The following RGS6 variants were observed in gnomAD, a reference collection of about 807,000 sequenced individuals.
RGS6 encodes the protein regulator of G protein signaling 6.
In RGS6, 30 loss-of-function variants were observed where a neutral mutation model predicts 78.5. That is an observed-to-expected ratio of 0.38 (90% CI 0.29 to 0.52). The LOEUF (loss-of-function observed/expected upper bound fraction) is 0.52, where lower values mean the gene tolerates loss of function less well. Ranked by LOEUF, RGS6 falls within the 20% of genes least tolerant of loss-of-function variation. The pLI is 0.85. For synonymous variants in RGS6, 206 were observed against 206.0 expected (o/e 1.00, Z 0.00); for missense variants, 495 against 609.7 (o/e 0.81, Z 1.98).
At chr14:72,122,607 T>G (rs1301939641) in intron 2 of RGS6, among the ~76,000 whole-genome samples, 1 of 152,136 alleles carries the variant, frequency 6.6e-6, no homozygotes, top group Non-Finnish European at 1.5e-5. Context: ...ACCAGGAGGT[T>G]CTCTAGGAAT....
At chr14:72,224,330 A>G (rs1256527175) in intron 2 of RGS6, among the ~76,000 whole-genome samples, 1 of 152,016 alleles carries the variant, frequency 6.6e-6, no homozygotes, top group Non-Finnish European at 1.5e-5. Context: ...AGGTGGGAGG[A>G]TGGCTTGAGC....
chr14:72,071,838 T>C (rs1363505207), intron 2 of RGS6, among the ~76,000 whole-genome samples: 1 of 152,236 alleles, frequency 6.6e-6, no homozygotes, highest in Non-Finnish European at 1.5e-5. Context: ...GAATTAAATG[T>C]TTTCACGATG....
chr14:72,330,052 G>C (rs1448892739), intron 2 of RGS6, among the ~76,000 whole-genome samples: 2 of 152,228 alleles, frequency 1.3e-5, no homozygotes, highest in African/African-American at 4.8e-5. Context: ...CCCAACAGCA[G>C]GTTCACAGTC....
In RGS6 at chr14:72,004,152, G is replaced by A. The variant is rs1212965584; in HGVS notation, c.84+39277G>A. The stretch of plus-strand genomic sequence containing the variant: ...TGGCTGCTTTCAGTCTTGAAGGGGA[G>A]TCAGCATAGTATACATCATCATGGG... On this transcript the variant is annotated intron_variant, in intron 2 of 17. Coordinates refer to ENST00000553525, the MANE Select transcript of RGS6 (RefSeq NM_001204424.2). 3.3e-5 allele frequency among the ~76,000 whole-genome samples: 5 copies of A among 152,284 alleles called. 1 individual carries two copies. The South Asian group carries it at 8.3e-4, about 25-fold the overall frequency.
At chr14:72,203,155 G>A (rs1018061586) in intron 2 of RGS6, among the ~76,000 whole-genome samples, 4 of 152,204 alleles carry the variant, frequency 2.6e-5, no homozygotes, top group South Asian at 2.1e-4. Context: ...GATTATAGGC[G>A]TGAGCCACTG....
intron 2 of RGS6, among the ~76,000 whole-genome samples, chr14:72,232,250 G>C (rs1444228342): frequency 6.6e-6 from 1 of 152,174 alleles, no homozygotes; most frequent in African/African-American, 2.4e-5. Context: ...ACTTCTTCAA[G>C]ATGGAGACAG....
chr14:72,389,732 C>T (rs1299239551), intron 3 of RGS6, among the ~76,000 whole-genome samples: 1 of 152,174 alleles, frequency 6.6e-6, no homozygotes, highest in African/African-American at 2.4e-5. Context: ...CATTTAGACA[C>T]ACACACAAAA....
chr14:72,322,986 G>A (rs940686959), intron 2 of RGS6, among the ~76,000 whole-genome samples: 3 of 151,940 alleles, frequency 2.0e-5, no homozygotes, highest in Non-Finnish European at 4.4e-5. Context: ...TCGGCTACAA[G>A]GAAAGATACC....
intron 2 of RGS6, among the ~76,000 whole-genome samples, chr14:72,295,686 G>C (rs1438801722): frequency 6.6e-6 from 1 of 152,118 alleles, no homozygotes; most frequent in East Asian, 1.9e-4. Flanking sequence ...GGGTAATATA[G>C]AATTGTAAGG....
At chr14:72,561,203 G>A (rs1486777988) in intron 17 of RGS6, among the ~76,000 whole-genome samples, 3 of 152,028 alleles carry the variant, frequency 2.0e-5, no homozygotes, top group Non-Finnish European at 4.4e-5. Context: ...TAGCTTACAC[G>A]CAGCCAAGCC....
At chr14:72,541,190 C>T (rs149408466) in intron 17 of RGS6, 10 of 1,393,396 alleles carry the variant, frequency 7.2e-6, no homozygotes, top group African/African-American at 4.3e-5. Context: ...CTTTGTTCCA[C>T]CTCTGTTGAG....
intron 15 of RGS6, among the ~76,000 whole-genome samples, chr14:72,527,507 A>G (rs954210267): frequency 1.3e-5 from 2 of 152,244 alleles, no homozygotes; most frequent in African/African-American, 4.8e-5. Flanking sequence ...AAACCTAAGC[A>G]CTACTTCAGA....
chr14:72,110,061 T>G (rs142881802), intron 2 of RGS6, among the ~76,000 whole-genome samples: 7 of 152,362 alleles, frequency 4.6e-5, no homozygotes, highest in Non-Finnish European at 1.0e-4. Context: ...TGTTGTGAAT[T>G]CTCTGTTCTT....
At chr14:72,416,699 G>T (rs1167570409) in intron 3 of RGS6, among the ~76,000 whole-genome samples, 1 of 152,170 alleles carries the variant, frequency 6.6e-6, no homozygotes, top group East Asian at 1.9e-4. Flanking sequence ...ACAAGGAAAT[G>T]ATCCTCTGAA....
chr14:72,287,664 G>A (rs143475839), intron 2 of RGS6, among the ~76,000 whole-genome samples: 277 of 152,244 alleles, frequency 1.8e-3, no homozygotes, highest in African/African-American at 6.3e-3. Flanking sequence ...CACCATGTTG[G>A]CCAGGCTGGT....
At chr14:72,403,390 C>T (rs192285776) in intron 3 of RGS6, among the ~76,000 whole-genome samples, 1 of 152,266 alleles carries the variant, frequency 6.6e-6, no homozygotes, top group African/African-American at 2.4e-5. Context: ...CATACAGAAG[C>T]TGAAAAACAG....
At chr14:71,994,764 G>A (rs2095122876) in intron 2 of RGS6, among the ~76,000 whole-genome samples, 1 of 151,942 alleles carries the variant, frequency 6.6e-6, no homozygotes, top group African/African-American at 2.4e-5. Flanking sequence ...CTAGAAGAGA[G>A]GCCTGAACAT....
chr14:71,940,284 C>G (rs145185036), intron 1 of RGS6, among the ~76,000 whole-genome samples: 1 of 152,186 alleles, frequency 6.6e-6, no homozygotes, highest in African/African-American at 2.4e-5. Flanking sequence ...AGAGAAAGAT[C>G]TACTGCATAA....
chr14:72,516,959 A>T (rs2096953580), intron 14 of RGS6: 1 of 149,644 alleles, frequency 6.7e-6, no homozygotes, highest in Non-Finnish European at 1.5e-5. Flanking sequence ...AAAAATGGCA[A>T]ATCAGGGGAA....
Sources: allele counts gnomAD v4.1 joint callset (sites outside exome capture counted in the v4.1 genomes callset), GRCh38; gene constraint gnomAD v4.1.1; transcripts MANE v1.5; gene names NCBI Gene and HGNC (gene_info 2026-07-23, HGNC 2026-07-21).